MBNL1: variants seen among roughly 807,000 people sequenced by gnomAD.
MBNL1 encodes the protein muscleblind-like protein 1.
MBNL1 carries 8 observed loss-of-function variants against 42.2 expected under a neutral mutation model. The observed-to-expected ratio is 0.19, with a 90% confidence interval of 0.11 to 0.34. The LOEUF is 0.34. Ranked by LOEUF, MBNL1 falls within the 10% of genes least tolerant of loss-of-function variation. MBNL1 has a pLI of 1.00. For synonymous variants in MBNL1, 169 were observed against 173.9 expected, an observed-to-expected ratio of 0.97 and a Z score of 0.22; for missense variants, 309 against 495.3, an observed-to-expected ratio of 0.62 and a Z score of 3.57.
At chr3:152,307,278 C>T (rs146851590) in intron 2 of MBNL1, among the ~76,000 whole-genome samples, 10 of 152,238 alleles carry the variant, frequency 6.6e-5, no homozygotes, top group East Asian at 1.9e-4. Flanking sequence ...CGTGAGTCAC[C>T]GCGCCCAGCC....
chr3:152,395,443 A>G (rs1417092984), intron 2 of MBNL1, among the ~76,000 whole-genome samples: 4 of 152,228 alleles, frequency 2.6e-5, no homozygotes, highest in Admixed American at 6.5e-5. Context: ...TTTTGGTGCT[A>G]TATTTCACAG....
At chr3:152,283,693 T>G (rs1295240839) in intron 1 of MBNL1, among the ~76,000 whole-genome samples, 1 of 152,204 alleles carries the variant, frequency 6.6e-6, no homozygotes, top group African/African-American at 2.4e-5. Flanking sequence ...CCTTACTGAT[T>G]TGGCTTCAGC....
chr3:152,357,992 GGTGT>G (rs10694488), intron 2 of MBNL1, among the ~76,000 whole-genome samples: 33 of 151,136 alleles, frequency 2.2e-4, no homozygotes, highest in South Asian at 6.3e-4. Flanking sequence ...AAGTTAGAAG[GGTGT>G]GTGTGTGTGT....
chr3:152,385,620 C>G (rs1178717425), intron 2 of MBNL1, among the ~76,000 whole-genome samples: 1 of 151,998 alleles, frequency 6.6e-6, no homozygotes, highest in Admixed American at 6.6e-5. Flanking sequence ...TTTCATAAGT[C>G]ATAGGATCTT....
chr3:152,382,451 G>A (rs1441624849), intron 2 of MBNL1, among the ~76,000 whole-genome samples: 1 of 151,996 alleles, frequency 6.6e-6, no homozygotes, highest in Non-Finnish European at 1.5e-5. Context: ...ATAGATAATG[G>A]AAGCAGGACT....
intron 2 of MBNL1, among the ~76,000 whole-genome samples, chr3:152,385,180 G>A (rs1257984698): frequency 2.6e-5 from 4 of 151,964 alleles, no homozygotes; most frequent in African/African-American, 9.7e-5. Flanking sequence ...AATGAAGTTT[G>A]AGATTTTTAA....
intron 4 of MBNL1, 103 bp from the exon 5 acceptor site, chr3:152,445,179 A>G: frequency 2.1e-6 from 2 of 958,226 alleles, no homozygotes; most frequent in Non-Finnish European, 3.1e-6. Context: ...TTCCCTTTTC[A>G]TCTATAGCCT....
chr3:152,356,071 C>T (rs908289455), intron 2 of MBNL1, among the ~76,000 whole-genome samples: 2 of 152,016 alleles, frequency 1.3e-5, no homozygotes, highest in Non-Finnish European at 2.9e-5. Flanking sequence ...TGGGAAGAAG[C>T]AAGAATTCCA....
At chr3:152,415,255 G>A in intron 3 of MBNL1, 144 bp downstream of exon 3, 1 of 718,042 alleles carries the variant, frequency 1.4e-6, no homozygotes, top group Non-Finnish European at 2.1e-6. Context: ...TTAAGTATCA[G>A]TCAAATGCTG....
rs139588592 is a variant in MBNL1, at chr3:152,430,298, T to TTAAA, written c.346-2415_346-2412dup. Among the ~76,000 whole-genome samples the TTAAA allele has an allele frequency of 3.2e-4, 48 of 152,342 alleles. No individual in the cohort carries two copies. In the East Asian group the frequency reaches 8.3e-3, roughly 26 times the overall value. ...ACATTTTTAAATTTGACCTTTGCTT[T>TTAAA]TAAATAATTATAGTAGATTATGTGC... is the stretch of plus-strand genomic sequence containing the variant. On this transcript the variant is annotated intron_variant, in intron 3 of 9. Coordinates refer to ENST00000324210, the MANE Select transcript of MBNL1 (RefSeq NM_021038.5).
chr3:152,303,366 C>A (rs2061536471), intron 2 of MBNL1, among the ~76,000 whole-genome samples: 1 of 152,032 alleles, frequency 6.6e-6, no homozygotes, highest in South Asian at 2.1e-4. Context: ...TCTAATTTTC[C>A]TTTTACAATT....
At chr3:152,376,340 C>T (rs867293646) in intron 2 of MBNL1, among the ~76,000 whole-genome samples, 5 of 152,170 alleles carry the variant, frequency 3.3e-5, no homozygotes, top group Middle Eastern at 3.4e-3. Flanking sequence ...CATATTATCT[C>T]GAGGAAACAT....
intron 2 of MBNL1, chr3:152,301,080 GA>G (rs2060546118): frequency 4.9e-6 from 1 of 202,554 alleles, no homozygotes; most frequent in Non-Finnish European, 8.8e-6. Flanking sequence ...GTTAGATCAT[GA>G]TTTTTTTTTA....
chr3:152,283,980 T>G (rs1466599170), intron 1 of MBNL1, among the ~76,000 whole-genome samples: 1 of 152,208 alleles, frequency 6.6e-6, no homozygotes, highest in Non-Finnish European at 1.5e-5. Flanking sequence ...TCTCGCTTCC[T>G]TTTTTATATA....
chr3:152,432,747 A>T lies in MBNL1; in HGVS notation c.376A>T (p.Thr126Ser). Residue 126 changes from threonine to serine, a missense_variant, in exon 4 of 10, where the codon ACC becomes TCC. By Grantham distance (58) the Thr-to-Ser change is moderately conservative. Transcript: ENST00000324210. ...PMFSVAPSLA[T>S]NASAAAFNPY... ...GTTTTCAGTTGCACCAAGCTTAGCC[A>T]CCAATGCATCAGCAGCCGCCTTTAA... 15 of 1,614,216 alleles carry T rather than the reference A, an allele frequency of 9.3e-6. No homozygotes were observed. Among genetic ancestry groups the T allele is most frequent in the Non-Finnish European group, 1.3e-5 (15 of 1,180,032 alleles).
In MBNL1 at chr3:152,259,025, G is replaced by A. The variant is rs1023593531; in HGVS notation, n.333+14585G>A. ...GAATAAACAAACTTCAAAGGTCTCC[G>A]AAGGGGAAAAACTGTCCTGGCTAAG... On this transcript the variant is annotated intron_variant and non_coding_transcript_variant, in intron 2 of 2. Coordinates refer to the MBNL1 transcript ENST00000477171. Among the ~76,000 whole-genome samples the A allele has an allele frequency of 3.9e-5, 6 of 152,162 alleles. 1 individual carries two copies. Among genetic ancestry groups the A allele is most frequent in the Admixed American group, 3.3e-4 (5 of 15,282 alleles).
At chr3:152,402,881 T>C (rs968145661) in intron 2 of MBNL1, among the ~76,000 whole-genome samples, 2 of 152,150 alleles carry the variant, frequency 1.3e-5, no homozygotes, top group East Asian at 1.9e-4. Context: ...TGGCCTGATA[T>C]AGACTGTGGG....
At chr3:152,390,828 T>C (rs2153472053) in intron 2 of MBNL1, among the ~76,000 whole-genome samples, 1 of 152,298 alleles carries the variant, frequency 6.6e-6, no homozygotes, top group South Asian at 2.1e-4. Flanking sequence ...GCCCTTGCCC[T>C]AAAGACTGCA....
chr3:152,251,932 C>G (rs757267516), intron 2 of MBNL1, among the ~76,000 whole-genome samples: 21 of 152,066 alleles, frequency 1.4e-4, no homozygotes, highest in Non-Finnish European at 4.4e-5. Context: ...TCAGCACTCC[C>G]TCCACATTTA....
Sources: gnomAD v4.1 joint callset for allele counts (sites outside exome capture counted in the v4.1 genomes callset) on GRCh38, gnomAD v4.1.1 for gene constraint, MANE v1.5 for transcripts, NCBI Gene and HGNC (gene_info 2026-07-23, HGNC 2026-07-21) for gene names.